The following TNS1 variants were observed in gnomAD, a reference collection of about 807,000 sequenced individuals.
TNS1 encodes the protein tensin 1.
A neutral mutation model predicts 168.6 loss-of-function variants in TNS1; 62 were observed. That is an observed-to-expected ratio of 0.37 (90% confidence interval 0.30 to 0.45). TNS1 has a LOEUF of 0.45. Among genes scored for constraint, TNS1 ranks in the 20% least tolerant of loss-of-function variants. The probability of loss-of-function intolerance (pLI) is 1.00; values close to 1 mark genes in which losing one functional copy is unlikely to be tolerated. For synonymous variants in TNS1, 934 were observed against 933.2 expected (o/e 1.00, Z -0.02); for missense variants, 2,240 against 2,339.4 (o/e 0.96, Z 0.88).
upstream of TNS1, among the ~76,000 whole-genome samples, chr2:218,010,630 C>T (rs1156771112): frequency 6.6e-6 from 1 of 151,140 alleles, no homozygotes; most frequent in Non-Finnish European, 1.5e-5. Context: ...GCAGAGGCGG[C>T]GCCCGGCGCC....
chr2:217,947,065 C>T (rs1017238978), intron 3 of TNS1, among the ~76,000 whole-genome samples: 1 of 151,800 alleles, frequency 6.6e-6, no homozygotes. Flanking sequence ...CCTTCCAAGC[C>T]CCTGAGGACC....
In TNS1 at chr2:217,848,573, G is replaced by A. The variant is rs754043363; in HGVS notation, c.1944C>T (p.Asp648=). The A allele has an allele frequency of 3.3e-5, 54 of 1,614,072 alleles. No individual in the cohort carries two copies. The highest frequency in any genetic ancestry group is 7.7e-5 in the South Asian group (7 of 91,084). Reference sequence around the variant, plus strand: ...CCCCCTCACTGGTGTTGGTGACCCCGTCCAGAGAAGAGAGTGTGCCCATGC... The same window carrying A: ...CCCCCTCACTGGTGTTGGTGACCCCATCCAGAGAAGAGAGTGTGCCCATGC... ...AGSMGTLSSL[D]GVTNTSEGGY... Residue 648 remains aspartate (D), a synonymous_variant, in exon 19 of 33, where the codon GAC becomes GAT. Coordinates refer to ENST00000682258, the MANE Select transcript of TNS1 (RefSeq NM_001387777.1).
chr2:217,962,935 G>A (rs376248240), intron 3 of TNS1, among the ~76,000 whole-genome samples: 8 of 152,214 alleles, frequency 5.3e-5, no homozygotes, highest in African/African-American at 1.9e-4. Flanking sequence ...CAATGTGAAT[G>A]TCCTGGTTTT....
chr2:217,982,157 T>G (rs566983932), intron 2 of TNS1, among the ~76,000 whole-genome samples: 1 of 152,292 alleles, frequency 6.6e-6, no homozygotes, highest in East Asian at 1.9e-4. Flanking sequence ...GAGGGCCATG[T>G]GGTGAGGGGC....
At chr2:218,021,032 A>C (rs1221768926) in intron 1 of TNS1, among the ~76,000 whole-genome samples, 1 of 152,254 alleles carries the variant, frequency 6.6e-6, no homozygotes, top group Non-Finnish European at 1.5e-5. Flanking sequence ...TTCTGAGAAC[A>C]AAAAAGGCCT....
At chr2:217,977,069 G>A (rs1957914427) in intron 3 of TNS1, among the ~76,000 whole-genome samples, 1 of 152,222 alleles carries the variant, frequency 6.6e-6, no homozygotes, top group African/African-American at 2.4e-5. Context: ...AACAAAGTCT[G>A]ATAATGCATG....
At chr2:217,992,126 G>T (rs1315650582) in intron 1 of TNS1, among the ~76,000 whole-genome samples, 1 of 151,910 alleles carries the variant, frequency 6.6e-6, no homozygotes, top group Non-Finnish European at 1.5e-5. Context: ...CCACTGCGGG[G>T]CAGGGGGGCC....
rs138185112 is a variant in TNS1, at chr2:217,840,628, C to T, written c.3008-4417G>A. Among the ~76,000 whole-genome samples the T allele has an allele frequency of 4.8e-3, 733 of 152,322 alleles. 3 individuals are homozygous for T. Among genetic ancestry groups the T allele is most frequent in the Non-Finnish European group, 7.2e-3 (492 of 68,024 alleles). ...GGGGGTACGCTGTCCCCAGGGTGTG[C>T]CATGCTCTAGAGTGGACAGAGCAGC... On this transcript the variant is annotated intron_variant, in intron 19 of 32. Coordinates refer to ENST00000682258, the MANE Select transcript of TNS1 (RefSeq NM_001387777.1).
chr2:217,832,792 C>T (rs914567701), intron 21 of TNS1, among the ~76,000 whole-genome samples: 47 of 152,200 alleles, frequency 3.1e-4, no homozygotes, highest in African/African-American at 1.1e-3. Context: ...CCCTGCCCTT[C>T]ACCCTCACTC....
intron 3 of TNS1, among the ~76,000 whole-genome samples, chr2:217,934,207 C>T (rs918441203): frequency 1.3e-5 from 2 of 152,178 alleles, no homozygotes; most frequent in Admixed American, 6.5e-5. Context: ...CACCTGGATG[C>T]TTGGAAGACA....
chr2:217,916,566 C>T (rs1472187088), intron 4 of TNS1, among the ~76,000 whole-genome samples: 2 of 152,228 alleles, frequency 1.3e-5, no homozygotes, highest in African/African-American at 2.4e-5. Context: ...CCGTGGCAAA[C>T]AAGCCCTCTT....
At chr2:217,909,007 C>G (rs982662989) in intron 4 of TNS1, among the ~76,000 whole-genome samples, 1 of 152,060 alleles carries the variant, frequency 6.6e-6, no homozygotes, top group Admixed American at 6.5e-5. Context: ...AGTCAGAGCT[C>G]GTGGAGCTGC....
At chr2:217,934,743 A>G (rs914442911) in intron 3 of TNS1, among the ~76,000 whole-genome samples, 1 of 152,178 alleles carries the variant, frequency 6.6e-6, no homozygotes, top group Admixed American at 6.5e-5. Context: ...TGGGCAAAGA[A>G]CGTTCCAATT....
At chr2:217,825,128 C>G (rs544424895) in intron 22 of TNS1, among the ~76,000 whole-genome samples, 3 of 152,248 alleles carry the variant, frequency 2.0e-5, no homozygotes, top group African/African-American at 7.2e-5. Context: ...AATTCACTGA[C>G]GTCGCTCCTG....
chr2:217,848,975 C>T lies in TNS1; in HGVS notation c.1542G>A (p.Leu514=). ...GTTCCACGTGGTTGGGGGTGGCCGA[C>T]AGTGTAGGACGTGTGGCATTAACAG... ...TGAVNATRPT[L]SATPNHVEHT... The change falls in exon 19 of 33, where the codon CTG becomes CTA. Residue 514 remains leucine, a synonymous_variant. Transcript: ENST00000682258. The T allele has an allele frequency of 6.2e-7, 1 of 1,614,100 alleles. No homozygotes were observed. The highest frequency in any genetic ancestry group is 8.5e-7 in the Non-Finnish European group (1 of 1,180,020).
intron 18 of TNS1, among the ~76,000 whole-genome samples, chr2:217,869,428 G>T (rs1293675726): frequency 6.6e-6 from 1 of 152,210 alleles, no homozygotes; most frequent in Non-Finnish European, 1.5e-5. Flanking sequence ...CCTTCACCAC[G>T]GAGGGTTAGA....
chr2:217,845,052 C>T (rs371868678), intron 19 of TNS1, among the ~76,000 whole-genome samples: 3 of 152,340 alleles, frequency 2.0e-5, no homozygotes, highest in East Asian at 1.9e-4. Flanking sequence ...TGGTCCCTAC[C>T]CTTTATCAAA....
chr2:217,820,482 G>A (rs1942659426), intron 23 of TNS1, among the ~76,000 whole-genome samples: 1 of 152,106 alleles, frequency 6.6e-6, no homozygotes, highest in Admixed American at 6.5e-5. Flanking sequence ...TCATCCCATG[G>A]TGCCCCCACT....
chr2:217,864,818 C>T (rs1343923921), intron 18 of TNS1, among the ~76,000 whole-genome samples: 1 of 152,232 alleles, frequency 6.6e-6, no homozygotes, highest in Non-Finnish European at 1.5e-5. Context: ...CAAACAGGCC[C>T]ATTCTCTCAG....
Sources: gnomAD v4.1 joint callset for allele counts (sites outside exome capture counted in the v4.1 genomes callset) on GRCh38, gnomAD v4.1.1 for gene constraint, MANE v1.5 for transcripts, NCBI Gene and HGNC (gene_info 2026-07-23, HGNC 2026-07-21) for gene names.